SPEF2: variants seen among roughly 807,000 people sequenced by gnomAD.
SPEF2 encodes sperm flagellar and cilia associated 2.
A neutral mutation model predicts 224.6 loss-of-function variants in SPEF2; 187 were observed. The observed-to-expected ratio is 0.83, with a 90% confidence interval of 0.74 to 0.94. The LOEUF is 0.94. SPEF2 is among the 40% of genes least tolerant of loss of function. The pLI, the probability that SPEF2 is intolerant of heterozygous loss-of-function variation, is 0.00. For missense variants in SPEF2, 2,170 were observed against 2,135.6 expected (o/e 1.02, Z -0.32); for synonymous variants, 715 against 707.3 (o/e 1.01, Z -0.17).
chr5:35,726,065 G>A (rs748094135), intron 20 of SPEF2, among the ~76,000 whole-genome samples: 1 of 152,172 alleles, frequency 6.6e-6, no homozygotes. Context: ...CATTTAAGAT[G>A]TTGATAAAGA....
intron 9 of SPEF2, among the ~76,000 whole-genome samples, chr5:35,667,534 A>T (rs1280072806): frequency 1.3e-5 from 2 of 152,172 alleles, no homozygotes; most frequent in Admixed American, 1.3e-4. Flanking sequence ...CTTTGAGGAA[A>T]AAAATGGGAG....
chr5:35,803,189 C>T (rs547835959), intron 34 of SPEF2, among the ~76,000 whole-genome samples: 1 of 152,266 alleles, frequency 6.6e-6, no homozygotes, highest in East Asian at 1.9e-4. Flanking sequence ...GCAGACATTG[C>T]AGGCAGGCAG....
At chr5:35,647,158 C>A (rs1194408552) in intron 5 of SPEF2, among the ~76,000 whole-genome samples, 1 of 152,110 alleles carries the variant, frequency 6.6e-6, no homozygotes, top group Non-Finnish European at 1.5e-5. Context: ...AAAAGAATAC[C>A]TGAGGCTGGG....
chr5:35,628,475 C>T lies in SPEF2; in HGVS notation c.74C>T (p.Ala25Val), dbSNP rs762891442. 2.5e-6 allele frequency: 4 copies of T among 1,613,226 alleles called. No homozygotes were observed. The highest frequency in any genetic ancestry group is 8.5e-7 in the Non-Finnish European group (1 of 1,179,334). ...TGAAACTCAGGTCCCAAGTCATTTGCAAAGGCATTTTCCAGTGGCTATCTA... is the reference window on the plus strand; with the variant it reads ...TGAAACTCAGGTCCCAAGTCATTTGTAAAGGCATTTTCCAGTGGCTATCTA... The part of the protein sequence containing the change: ...VSRTVSPKSF[A>V]KAFSSGYLLG... Residue 25 changes from alanine (A) to valine (V), a missense_variant, in exon 2 of 37, where the codon GCA becomes GTA. Transcript: ENST00000356031.
At chr5:35,794,189 A>T (rs894021459) in intron 32 of SPEF2, among the ~76,000 whole-genome samples, 13 of 152,336 alleles carry the variant, frequency 8.5e-5, no homozygotes, top group African/African-American at 3.1e-4. Context: ...AAAATTTCAT[A>T]ACTGAGAGGG....
intron 36 of SPEF2, chr5:35,807,775 A>G: frequency 6.5e-7 from 1 of 1,535,812 alleles, no homozygotes; most frequent in Non-Finnish European, 8.7e-7. Context: ...AGAAGAAAGG[A>G]AGAACTGCAA....
At chr5:35,689,009 G>T (rs1754054204) in intron 10 of SPEF2, among the ~76,000 whole-genome samples, 1 of 152,006 alleles carries the variant, frequency 6.6e-6, no homozygotes, top group African/African-American at 2.4e-5. Context: ...CTGTATAAGG[G>T]TTATATTAGT....
chr5:35,752,638 T>C (rs904668919), intron 23 of SPEF2, among the ~76,000 whole-genome samples: 2 of 152,292 alleles, frequency 1.3e-5, no homozygotes, highest in Non-Finnish European at 2.9e-5. Context: ...GATTTTTATT[T>C]GACTGTATAT....
At position 35,628,548 on chromosome 5, in the gene SPEF2, AT is replaced by A; in HGVS notation, c.152del (p.Leu51TrpfsTer62). On this transcript the variant is annotated frameshift_variant, in exon 2 of 37. Coordinates refer to ENST00000356031, the MANE Select transcript of SPEF2 (RefSeq NM_024867.4). LOFTEE classifies it high-confidence loss of function. ...KFELQDDFSE[F>X]LDSRVSSAKL... ...TTGAACTTCAGGATGATTTTTCAGA[AT>A]TTTTGGACAGCAGGTTAGTGAGATT... 6.2e-7 allele frequency: 1 copy of A among 1,609,622 alleles called. No individual in the cohort carries two copies. Among genetic ancestry groups the A allele is most frequent in the African/African-American group, 1.3e-5 (1 of 74,932 alleles).
At chr5:35,771,295 G>T (rs1752820477) in intron 26 of SPEF2, among the ~76,000 whole-genome samples, 1 of 152,150 alleles carries the variant, frequency 6.6e-6, no homozygotes, top group South Asian at 2.1e-4. Context: ...TTAAAAGAAA[G>T]GAATTTTTGC....
rs1454677580 is a variant in SPEF2 at position 35,697,793 on chromosome 5, A to C, written c.2141A>C (p.Asn714Thr). 6.2e-7 allele frequency: 1 copy of C among 1,603,664 alleles called. No homozygotes were observed. ...GTTGACATCATAGTAAATGCTATTA[A>C]GTATGTATTGCATTTTTCTTCCTCT... ...LLVDIIVNAINEIPVNQDCIL... is the reference protein window; with the variant it reads ...LLVDIIVNAITEIPVNQDCIL... Residue 714 changes from asparagine (N) to threonine (T), a missense_variant and splice_region_variant, in exon 15 of 37, where the codon AAT becomes ACT. Transcript: ENST00000356031.
At chr5:35,639,379 A>G (rs753976731) in intron 2 of SPEF2, among the ~76,000 whole-genome samples, 1 of 152,114 alleles carries the variant, frequency 6.6e-6, no homozygotes, top group African/African-American at 2.4e-5. Context: ...AGTAAATTTT[A>G]TGGGCATAAC....
Position 35,814,512 on chromosome 5 carries a change from G to A in SPEF2, c.5428G>A (p.Gly1810Arg), listed in dbSNP as rs1434600092. 22 of 1,609,102 alleles carry A rather than the reference G, an allele frequency of 1.4e-5. No homozygotes were observed. Among genetic ancestry groups the A allele is most frequent in the East Asian group, 2.2e-5 (1 of 44,648 alleles). Reference sequence around the variant, plus strand: ...GAGTGAACATGTACAAGGAAGTGATGGAGAGAGATCACCTTCAAGACATAC... The same window carrying A: ...GAGTGAACATGTACAAGGAAGTGATAGAGAGAGATCACCTTCAAGACATAC... ...QRSEHVQGSD[G>R]ERSPSRHTEE... The change falls in exon 37 of 37, where the codon GGA becomes AGA. Residue 1810 changes from glycine to arginine, a missense_variant. Gly to Arg is a moderately radical substitution (Grantham distance 125). Transcript: ENST00000356031.
At chr5:35,680,432 A>G (rs1752628627) in intron 10 of SPEF2, among the ~76,000 whole-genome samples, 1 of 151,878 alleles carries the variant, frequency 6.6e-6, no homozygotes, top group South Asian at 2.1e-4. Flanking sequence ...GTACTTAGTT[A>G]AAATTACTAA....
chr5:35,707,507 G>A (rs1219089889), intron 18 of SPEF2, among the ~76,000 whole-genome samples: 2 of 152,178 alleles, frequency 1.3e-5, no homozygotes, highest in Non-Finnish European at 2.9e-5. Context: ...ATTGAAAAGA[G>A]TAATCTAAGG....
chr5:35,789,133 A>G lies in SPEF2; in HGVS notation c.4448-3207A>G, dbSNP rs940711669. 3.0e-5 allele frequency: 21 copies of G among 702,598 alleles called. No homozygotes were observed. The African/African-American group carries it at 3.3e-4, about 11-fold the overall frequency. 43.5% of individuals were successfully genotyped at this position (702,598 alleles called of 1,614,324 possible). A position where few individuals can be genotyped will look rare whatever the true frequency, so the allele number is the denominator to read the frequency against. ...AATAATTTTGGGAAAGATAACCACT[A>G]TGTTGTTCCCAACCTGTGTTACAGG... On this transcript the variant is annotated intron_variant, in intron 30 of 36. Coordinates refer to ENST00000356031, the MANE Select transcript of SPEF2 (RefSeq NM_024867.4).
intron 10 of SPEF2, among the ~76,000 whole-genome samples, chr5:35,680,168 A>G (rs1288199918): frequency 6.6e-6 from 1 of 152,202 alleles, no homozygotes; most frequent in East Asian, 1.9e-4. Context: ...CCAAATTAAT[A>G]AACTGTTTTT....
At chr5:35,788,584 A>C (rs1755509152) in intron 30 of SPEF2, 4 of 702,938 alleles carry the variant, frequency 5.7e-6, no homozygotes, top group Non-Finnish European at 1.0e-5. Flanking sequence ...ATCCTCTGGC[A>C]ATAAAAAATG....
At chr5:35,757,011 T>C (rs1750543254) in intron 24 of SPEF2, among the ~76,000 whole-genome samples, 1 of 152,190 alleles carries the variant, frequency 6.6e-6, no homozygotes, top group African/African-American at 2.4e-5. Context: ...TAAAATTCTT[T>C]TTAAATCTAA....
Sources: allele counts gnomAD v4.1 joint callset (sites outside exome capture counted in the v4.1 genomes callset), GRCh38; gene constraint gnomAD v4.1.1; transcripts MANE v1.5; gene names NCBI Gene and HGNC (gene_info 2026-07-23, HGNC 2026-07-21).